Variants in CDKL5 observed in about 807,000 individuals in gnomAD.
The protein encoded by CDKL5 is cyclin dependent kinase like 5.
A neutral mutation model predicts 61.7 loss-of-function variants in CDKL5; 8 were observed. The observed-to-expected ratio is 0.13, with a 90% CI of 0.08 to 0.23. The LOEUF is 0.23. CDKL5 is among the 10% of genes least tolerant of loss of function. CDKL5 has a pLI of 1.00. For synonymous variants in CDKL5, 275 were observed against 272.3 expected (o/e 1.01, Z -0.10); for missense variants, 440 against 734.5 (o/e 0.60, Z 4.63).
chrX:18,551,990 A>G (rs1326630504), intron 3 of CDKL5, among the ~76,000 whole-genome samples: 3 of 109,839 alleles, frequency 2.7e-5, no homozygotes. Flanking sequence ...CTGTAATCCC[A>G]GCACTTTGGG....
At chrX:18,606,322 G>A (rs1403786062) in intron 12 of CDKL5, among the ~76,000 whole-genome samples, 1 of 112,419 alleles carries the variant, frequency 8.9e-6, no homozygotes, top group African/African-American at 3.2e-5. Context: ...GGCTTTACAG[G>A]CAACTGAAGG....
chrX:18,591,614 A>G (rs778660715), intron 9 of CDKL5, among the ~76,000 whole-genome samples: 29 of 111,773 alleles, frequency 2.6e-4, no homozygotes, highest in Non-Finnish European at 7.5e-5. Flanking sequence ...GGGTAGCTTT[A>G]AAAACCCCTT....
chrX:18,530,641 C>T (rs1053645014), intron 3 of CDKL5, among the ~76,000 whole-genome samples: 2 of 111,747 alleles, frequency 1.8e-5, no homozygotes, highest in African/African-American at 3.3e-5. Flanking sequence ...TCTGATAATC[C>T]CCAAGTCTGT....
At chrX:18,457,247 G>T (rs974128884) in intron 1 of CDKL5, among the ~76,000 whole-genome samples, 3 of 110,762 alleles carry the variant, frequency 2.7e-5, no homozygotes, top group Non-Finnish European at 3.8e-5. Flanking sequence ...GTTATTTGTA[G>T]CCCCACCATT....
At chrX:18,502,921 C>G (rs1304168950) in intron 1 of CDKL5, among the ~76,000 whole-genome samples, 2 of 111,502 alleles carry the variant, frequency 1.8e-5, no homozygotes, top group South Asian at 7.4e-4. Context: ...GAACTCTGCC[C>G]TTCCATATAT....
Position 18,559,880 on chromosome X carries a change from G to A in CDKL5, c.100-4597G>A, listed in dbSNP as rs1420660934. 7.8e-5 allele frequency among the ~76,000 whole-genome samples: 8 copies of A among 103,145 alleles called. No homozygotes were observed. The East Asian group carries it at 1.2e-3, about 16-fold the overall frequency. 89.6% of individuals were successfully genotyped at this position (103,145 alleles called of 115,157 possible). On this transcript the variant is annotated intron_variant, in intron 3 of 17. Transcript: ENST00000623535. ...TTCCCATCTATGAGTGAGAACATGC[G>A]GTGTTTGGTTTTTTGTTCTTGCGAT... is the stretch of plus-strand genomic sequence containing the variant.
intron 1 of CDKL5, among the ~76,000 whole-genome samples, chrX:18,478,373 C>A (rs1322450879): frequency 9.6e-6 from 1 of 104,484 alleles, no homozygotes; most frequent in Non-Finnish European, 1.9e-5. Context: ...TCACTGCAGC[C>A]TCTGCCTCCC....
intron 1 of CDKL5, chrX:18,426,370 T>C (rs1931368280): frequency 8.8e-6 from 1 of 112,999 alleles, no homozygotes; most frequent in Non-Finnish European, 1.9e-5. Context: ...AATCGGATTC[T>C]GGGATTTGGA....
Position 18,587,947 on chromosome X carries a change from T to A in CDKL5, c.555-7T>A, listed in dbSNP as rs1395266347. 3 of 1,207,171 alleles carry A rather than the reference T, an allele frequency of 2.5e-6. No individual in the cohort carries two copies. The highest frequency in any genetic ancestry group is 4.7e-4 in the Middle Eastern group (2 of 4,283). On this transcript the variant is annotated splice_polypyrimidine_tract_variant and splice_region_variant and intron_variant, in intron 8 of 17. Transcript: ENST00000623535. The stretch of plus-strand genomic sequence containing the variant: ...TTGCCAAAATAATCTCTTCCTTTAT[T>A]TTTCAGCGCTCCCTATGGAAAGTCC...
chrX:18,447,734 G>A (rs1931913441), intron 1 of CDKL5, among the ~76,000 whole-genome samples: 1 of 111,377 alleles, frequency 9.0e-6, no homozygotes, highest in South Asian at 3.8e-4. Context: ...ACCTGGTTTT[G>A]ACTTCTTAGC....
chrX:18,451,042 G>A (rs1932002514), intron 1 of CDKL5, among the ~76,000 whole-genome samples: 1 of 111,349 alleles, frequency 9.0e-6, no homozygotes, highest in South Asian at 3.7e-4. Context: ...AAGGGTGGCA[G>A]GAGTAAAAAT....
At chrX:18,532,010 T>C (rs916754821) in intron 3 of CDKL5, among the ~76,000 whole-genome samples, 1 of 111,860 alleles carries the variant, frequency 8.9e-6, no homozygotes, top group Non-Finnish European at 1.9e-5. Flanking sequence ...CCGGCCAGGG[T>C]TTTTTCTTAA....
intron 1 of CDKL5, among the ~76,000 whole-genome samples, chrX:18,459,411 A>C (rs1197407220): frequency 1.8e-5 from 2 of 109,409 alleles, no homozygotes; most frequent in Non-Finnish European, 1.9e-5. Flanking sequence ...TACAAAAAAA[A>C]ATTAGCCAGG....
chrX:18,431,166 A>AT (rs966167238), intron 1 of CDKL5, among the ~76,000 whole-genome samples: 11 of 110,465 alleles, frequency 1.0e-4, no homozygotes, highest in Admixed American at 2.9e-4. Context: ...CCTGGCGGTG[A>AT]TTTTTTTTTA....
At chrX:18,429,968 A>G (rs892374010) in intron 1 of CDKL5, among the ~76,000 whole-genome samples, 3 of 111,870 alleles carry the variant, frequency 2.7e-5, no homozygotes, top group African/African-American at 3.2e-5. Flanking sequence ...CCTACTGTAT[A>G]TTATGCCTCG....
chrX:18,480,159 T>G (rs939650113), intron 1 of CDKL5, among the ~76,000 whole-genome samples: 1 of 111,883 alleles, frequency 8.9e-6, no homozygotes, highest in Non-Finnish European at 1.9e-5. Flanking sequence ...GGATATCACA[T>G]TACATTTAGT....
At chrX:18,604,958 A>T in intron 12 of CDKL5, 90 bp downstream of exon 12, 1 of 1,031,377 alleles carries the variant, frequency 9.7e-7, no homozygotes, top group Non-Finnish European at 1.4e-6. Context: ...TATTTTCCCT[A>T]CTACAGGAGG....
Position 18,629,429 on chromosome X carries a change from G to A in CDKL5, c.*672G>A. 1.6e-6 allele frequency: 1 copy of A among 607,793 alleles called. No homozygotes were observed. Among genetic ancestry groups the A allele is most frequent in the Non-Finnish European group, 2.0e-6 (1 of 506,777 alleles). 50.1% of individuals were successfully genotyped at this position (607,793 alleles called of 1,213,427 possible). On this transcript the variant is annotated 3_prime_UTR_variant, in exon 18 of 18. Transcript: ENST00000623535. ...AACTAAACAGTAACATTTATATATT[G>A]CATCAGGAGTATTTTATTCTATATA...
chrX:18,526,181 A>G (rs1305266526), intron 3 of CDKL5, among the ~76,000 whole-genome samples: 1 of 112,477 alleles, frequency 8.9e-6, no homozygotes, highest in Non-Finnish European at 1.9e-5. Flanking sequence ...ATACCTTAGC[A>G]CTATTTTTGG....
Sources: gnomAD v4.1 joint callset for allele counts (sites outside exome capture counted in the v4.1 genomes callset) on GRCh38, gnomAD v4.1.1 for gene constraint, MANE v1.5 for transcripts, NCBI Gene and HGNC (gene_info 2026-07-23, HGNC 2026-07-21) for gene names.